Variants in NLGN1 observed in about 807,000 individuals in gnomAD.
NLGN1 encodes the protein neuroligin 1, also known as neuroligin-1.
A neutral mutation model predicts 65.5 loss-of-function variants in NLGN1; 12 were observed. That is an observed-to-expected ratio of 0.18 (90% CI 0.12 to 0.30). The LOEUF (loss-of-function observed/expected upper bound fraction) is 0.30, where lower values mean the gene tolerates loss of function less well. NLGN1 is among the 10% of genes least tolerant of loss of function. The pLI, the probability that NLGN1 is intolerant of heterozygous loss-of-function variation, is 1.00. For missense variants in NLGN1, 750 were observed against 1,007.1 expected (o/e 0.74, Z 3.46); for synonymous variants, 350 against 359.5 (o/e 0.97, Z 0.30).
At chr3:173,734,578 T>G (rs542272831) in intron 3 of NLGN1, among the ~76,000 whole-genome samples, 4 of 151,556 alleles carry the variant, frequency 2.6e-5, no homozygotes, top group African/African-American at 4.8e-5. Flanking sequence ...TTATTTTTTA[T>G]TTTTTGTAGA....
At chr3:173,564,534 T>A (rs1051458776) in intron 2 of NLGN1, among the ~76,000 whole-genome samples, 13 of 152,228 alleles carry the variant, frequency 8.5e-5, no homozygotes, top group African/African-American at 3.1e-4. Flanking sequence ...TGAGACAATG[T>A]TAAGTGATCT....
chr3:174,039,248 T>G (rs1731771739), intron 4 of NLGN1, among the ~76,000 whole-genome samples: 1 of 151,778 alleles, frequency 6.6e-6, no homozygotes, highest in Admixed American at 6.6e-5. Context: ...AATATAAAAT[T>G]TTTATTTTTT....
At chr3:173,425,548 A>G (rs1313529355) in intron 1 of NLGN1, among the ~76,000 whole-genome samples, 1 of 152,036 alleles carries the variant, frequency 6.6e-6, no homozygotes, top group African/African-American at 2.4e-5. Context: ...TTCTATTTCC[A>G]TTCTTCTGCA....
intron 4 of NLGN1, among the ~76,000 whole-genome samples, chr3:173,954,376 GTTA>G (rs1158744842): frequency 2.0e-5 from 3 of 151,564 alleles, no homozygotes; most frequent in East Asian, 1.9e-4. Flanking sequence ...AGTGTAAAAG[GTTA>G]TTATTATTAT....
chr3:174,031,257 C>T (rs1729960538), intron 4 of NLGN1, among the ~76,000 whole-genome samples: 1 of 152,166 alleles, frequency 6.6e-6, no homozygotes, highest in African/African-American at 2.4e-5. Flanking sequence ...ATTATTTCTA[C>T]TCTGAGCCAG....
chr3:173,630,639 C>T (rs916056302), intron 3 of NLGN1, among the ~76,000 whole-genome samples: 3 of 151,968 alleles, frequency 2.0e-5, no homozygotes, highest in Admixed American at 6.6e-5. Context: ...AATTTCTTCT[C>T]TTCCACAGAG....
intron 4 of NLGN1, among the ~76,000 whole-genome samples, chr3:174,062,265 A>G (rs557090802): frequency 4.6e-5 from 7 of 152,210 alleles, no homozygotes; most frequent in Admixed American, 6.5e-5. Context: ...CTGACAATTT[A>G]TTTAATTATT....
chr3:174,172,665 T>C (rs1347969220), intron 4 of NLGN1, among the ~76,000 whole-genome samples: 1 of 152,128 alleles, frequency 6.6e-6, no homozygotes, highest in African/African-American at 2.4e-5. Context: ...TGTTATTTTC[T>C]ACTGGGTCTA....
intron 2 of NLGN1, among the ~76,000 whole-genome samples, chr3:173,531,059 G>A (rs1736484935): frequency 6.6e-6 from 1 of 151,932 alleles, no homozygotes; most frequent in Admixed American, 6.6e-5. Context: ...TTCATTTTTA[G>A]AATATACAAT....
At chr3:173,860,739 A>G (rs1432687019) in intron 4 of NLGN1, among the ~76,000 whole-genome samples, 3 of 152,190 alleles carry the variant, frequency 2.0e-5, no homozygotes, top group Admixed American at 6.5e-5. Context: ...AGAGAATGAA[A>G]TGTGAATAAT....
chr3:173,921,247 A>G (rs1177140451), intron 4 of NLGN1, among the ~76,000 whole-genome samples: 3 of 147,458 alleles, frequency 2.0e-5, no homozygotes, highest in Non-Finnish European at 4.5e-5. Flanking sequence ...TATGGTATAT[A>G]TATGTAGTAT....
chr3:174,019,067 G>T (rs1360651736), intron 4 of NLGN1, among the ~76,000 whole-genome samples: 2 of 132,246 alleles, frequency 1.5e-5, no homozygotes, highest in East Asian at 3.9e-4. Context: ...AATAAATCAG[G>T]TATTCAATGC....
chr3:173,468,846 G>A (rs1056996648), intron 2 of NLGN1, among the ~76,000 whole-genome samples: 17 of 152,048 alleles, frequency 1.1e-4, no homozygotes, highest in African/African-American at 4.1e-4. Flanking sequence ...AAAAAAAATT[G>A]TTCTAAGAGT....
At chr3:173,483,884 G>T (rs1224614321) in intron 2 of NLGN1, among the ~76,000 whole-genome samples, 2 of 152,118 alleles carry the variant, frequency 1.3e-5, no homozygotes, top group African/African-American at 2.4e-5. Context: ...AGATCAAAGG[G>T]TATGTCCATC....
Position 173,765,096 on chromosome 3 carries a change from GTGTA to G in NLGN1, c.494-42577_494-42574del, listed in dbSNP as rs1476181821. Among the ~76,000 whole-genome samples the G allele has an allele frequency of 5.8e-3, 730 of 125,838 alleles. 3 individuals carry two copies. The highest frequency in any genetic ancestry group is 8.0e-3 in the Non-Finnish European group (459 of 57,414). The allele number at this position is 125,838 out of a possible 152,430, so 82.6% of individuals were successfully genotyped here. On this transcript the variant is annotated intron_variant, in intron 3 of 6. Coordinates refer to ENST00000457714, the Ensembl canonical transcript of NLGN1. Reference sequence around the variant, plus strand: ...TGTGTGTGTGTGTGTGTGTGTGTGTGTGTATGTATGCACACATACATTTGTATGG... The same window carrying G: ...TGTGTGTGTGTGTGTGTGTGTGTGTGTGTATGCACACATACATTTGTATGG...
intron 4 of NLGN1, among the ~76,000 whole-genome samples, chr3:174,140,503 A>G (rs1722079730): frequency 6.6e-6 from 1 of 152,130 alleles, no homozygotes; most frequent in Admixed American, 6.6e-5. Flanking sequence ...AGGGAATATT[A>G]TTTTCATCCC....
intron 4 of NLGN1, among the ~76,000 whole-genome samples, chr3:174,130,876 A>G (rs1242723802): frequency 6.6e-6 from 1 of 152,194 alleles, no homozygotes; most frequent in Non-Finnish European, 1.5e-5. Flanking sequence ...GGCAGAAACT[A>G]CTTGCTAGCA....
intron 3 of NLGN1, among the ~76,000 whole-genome samples, chr3:173,670,350 T>A (rs1046302815): frequency 1.3e-5 from 2 of 152,174 alleles, no homozygotes; most frequent in Non-Finnish European, 2.9e-5. Context: ...TTTTAACTTA[T>A]AGTAAGGACA....
In NLGN1 at chr3:174,083,130, A is replaced by C. The variant is rs571266191; in HGVS notation, c.647-192185A>C. On this transcript the variant is annotated intron_variant, in intron 4 of 6. Coordinates refer to ENST00000457714, the Ensembl canonical transcript of NLGN1. The stretch of plus-strand genomic sequence containing the variant: ...CTAATAAATGAAATAAATATCAGAC[A>C]TATAACATATATGTTAGAAAATGAC... Among the ~76,000 whole-genome samples the C allele has an allele frequency of 1.7e-3, 258 of 152,344 alleles. 2 individuals carry two copies. The highest frequency in any genetic ancestry group is 6.1e-3 in the African/African-American group (252 of 41,586).
Sources: gnomAD v4.1 joint callset for allele counts (sites outside exome capture counted in the v4.1 genomes callset) on GRCh38, gnomAD v4.1.1 for gene constraint, MANE v1.5 for transcripts, NCBI Gene and HGNC (gene_info 2026-07-23, HGNC 2026-07-21) for gene names.